The following SLC10A7 variants were observed in gnomAD, a reference collection of about 807,000 sequenced individuals.
SLC10A7 encodes solute carrier family 10 member 7.
Under a neutral mutation model 43.2 loss-of-function variants are expected in SLC10A7, and 29 were observed. The ratio of observed to expected loss-of-function variants is 0.67; its 90% CI spans 0.50 to 0.92. SLC10A7 has a LOEUF of 0.92. Ranked by LOEUF, SLC10A7 falls within the 40% of genes least tolerant of loss-of-function variation. The probability of loss-of-function intolerance (pLI) is 0.00; values close to 1 mark genes in which losing one functional copy is unlikely to be tolerated. For missense variants in SLC10A7, 295 were observed against 403.2 expected (o/e 0.73, Z 2.30); for synonymous variants, 152 against 144.8 (o/e 1.05, Z -0.35).
At chr4:146,292,847 C>T (rs948725232) in intron 9 of SLC10A7, 82 bp downstream of exon 9, 1 of 949,964 alleles carries the variant, frequency 1.1e-6, no homozygotes, top group Non-Finnish European at 1.6e-6. Context: ...AAAATATAAA[C>T]GTGTATAGTG....
At chr4:146,348,182 C>T (rs6828612) in intron 5 of SLC10A7, among the ~76,000 whole-genome samples, 84,119 of 151,990 alleles carry the variant, frequency 0.55, 23,809 homozygotes, top group East Asian at 0.77. Flanking sequence ...ATAAAATGTT[C>T]TGTAATTACC....
At chr4:146,475,032 G>A (rs1447425446) in intron 4 of SLC10A7, among the ~76,000 whole-genome samples, 4 of 152,122 alleles carry the variant, frequency 2.6e-5, no homozygotes, top group Admixed American at 2.6e-4. Flanking sequence ...AGTTCAATCT[G>A]GTGGTATAGC....
At chr4:146,481,974 A>G (rs1734513387) in intron 4 of SLC10A7, among the ~76,000 whole-genome samples, 1 of 152,184 alleles carries the variant, frequency 6.6e-6, no homozygotes, top group Non-Finnish European at 1.5e-5. Context: ...TGAAACCACC[A>G]CCACAGAGGC....
At chr4:146,475,623 G>A (rs371938992) in intron 4 of SLC10A7, among the ~76,000 whole-genome samples, 4 of 152,148 alleles carry the variant, frequency 2.6e-5, no homozygotes, top group Non-Finnish European at 2.9e-5. Context: ...CAACTTAAGC[G>A]TCAAAGACCA....
intron 5 of SLC10A7, among the ~76,000 whole-genome samples, chr4:146,380,556 A>G (rs1431833058): frequency 6.6e-6 from 1 of 152,176 alleles, no homozygotes; most frequent in Non-Finnish European, 1.5e-5. Flanking sequence ...TTTATTTTCA[A>G]TTCAAAAACT....
chr4:146,407,135 G>A (rs1727772968), intron 5 of SLC10A7, among the ~76,000 whole-genome samples: 1 of 152,152 alleles, frequency 6.6e-6, no homozygotes. Flanking sequence ...GTACATAGAA[G>A]TCAAGCTATG....
At chr4:146,460,965 G>T (rs1284528218) in intron 4 of SLC10A7, among the ~76,000 whole-genome samples, 1 of 151,864 alleles carries the variant, frequency 6.6e-6, no homozygotes, top group Non-Finnish European at 1.5e-5. Context: ...ATAAGGTTTT[G>T]CTTAACAGAA....
intron 10 of SLC10A7, among the ~76,000 whole-genome samples, chr4:146,277,272 T>C (rs947224438): frequency 2.0e-5 from 3 of 152,136 alleles, no homozygotes; most frequent in Non-Finnish European, 2.9e-5. Context: ...TCAGAGAAGC[T>C]TTAATATCTT....
chr4:146,400,273 C>CTAAA (rs1739137140), intron 5 of SLC10A7, among the ~76,000 whole-genome samples: 1 of 152,076 alleles, frequency 6.6e-6, no homozygotes, highest in South Asian at 2.1e-4. Flanking sequence ...AGGGTAGAGC[C>CTAAA]TAAAGGCTGA....
intron 1 of SLC10A7, among the ~76,000 whole-genome samples, chr4:146,520,675 T>C (rs77343466): frequency 0.016 from 2,451 of 152,222 alleles, 59 homozygotes; most frequent in African/African-American, 0.057. Context: ...CTATGAAATA[T>C]TGTGCCTGTT....
intron 7 of SLC10A7, among the ~76,000 whole-genome samples, chr4:146,304,371 C>T (rs971203585): frequency 2.0e-5 from 3 of 151,842 alleles, no homozygotes; most frequent in South Asian, 2.1e-4. Flanking sequence ...TAAAGACTTG[C>T]TAGATGTCTG....
intron 5 of SLC10A7, among the ~76,000 whole-genome samples, chr4:146,346,882 T>C (rs1478097949): frequency 6.6e-6 from 1 of 152,126 alleles, no homozygotes; most frequent in African/African-American, 2.4e-5. Context: ...CAAATAATTT[T>C]TGGATACCTA....
intron 4 of SLC10A7, among the ~76,000 whole-genome samples, chr4:146,498,910 T>C (rs928098477): frequency 3.9e-5 from 6 of 152,204 alleles, no homozygotes; most frequent in Non-Finnish European, 5.9e-5. Flanking sequence ...ACAATTTTAC[T>C]GAAAATCATT....
intron 5 of SLC10A7, among the ~76,000 whole-genome samples, chr4:146,408,356 T>C (rs995070771): frequency 2.6e-5 from 4 of 151,876 alleles, no homozygotes; most frequent in African/African-American, 7.3e-5. Context: ...GAGACCACCC[T>C]GGGGGCAACA....
At position 146,473,520 on chromosome 4, in the gene SLC10A7, A is replaced by G. The variant is rs1159967479; in HGVS notation, c.396+30329T>C. 3.3e-5 allele frequency among the ~76,000 whole-genome samples: 5 copies of G among 152,184 alleles called. No homozygotes were observed. The East Asian group carries it at 5.8e-4, about 18-fold the overall frequency. On this transcript the variant is annotated intron_variant, in intron 4 of 11. Coordinates refer to ENST00000335472, the MANE Select transcript of SLC10A7 (RefSeq NM_001029998.6). Reference sequence around the variant, plus strand: ...AACACCTTAACAGATGTTTGAAATCATAATTCATTTCAGTGAATTAAATAT... The same window carrying G: ...AACACCTTAACAGATGTTTGAAATCGTAATTCATTTCAGTGAATTAAATAT...
intron 5 of SLC10A7, among the ~76,000 whole-genome samples, chr4:146,437,008 C>T (rs1205881843): frequency 6.6e-6 from 1 of 152,120 alleles, no homozygotes; most frequent in Non-Finnish European, 1.5e-5. Context: ...GAAAGCACTG[C>T]ATTGAAGACA....
chr4:146,510,128 CAT>C (rs1737317206), intron 2 of SLC10A7, 79 bp from the exon 3 acceptor site: 8 of 1,366,816 alleles, frequency 5.9e-6, no homozygotes, highest in South Asian at 1.6e-5. Context: ...AATAACATCA[CAT>C]GAGTTAGTTC....
chr4:146,492,702 C>T (rs1735568266), intron 4 of SLC10A7, among the ~76,000 whole-genome samples: 1 of 152,092 alleles, frequency 6.6e-6, no homozygotes, highest in East Asian at 1.9e-4. Flanking sequence ...CTGATAGATG[C>T]CAAACATCTT....
At chr4:146,287,344 T>G (rs899152261) in intron 9 of SLC10A7, among the ~76,000 whole-genome samples, 1 of 152,136 alleles carries the variant, frequency 6.6e-6, no homozygotes, top group Non-Finnish European at 1.5e-5. Context: ...AAATACCTGA[T>G]GAACATAGGT....
Sources: allele counts gnomAD v4.1 joint callset (sites outside exome capture counted in the v4.1 genomes callset), GRCh38; gene constraint gnomAD v4.1.1; transcripts MANE v1.5; gene names NCBI Gene and HGNC (gene_info 2026-07-23, HGNC 2026-07-21).